Variants in UBA7 observed in about 807,000 individuals in gnomAD.
UBA7 encodes ubiquitin like modifier activating enzyme 7.
Under a neutral mutation model 113.0 loss-of-function variants are expected in UBA7, and 88 were observed. The observed-to-expected ratio is 0.78, with a 90% confidence interval of 0.66 to 0.93. The LOEUF (loss-of-function observed/expected upper bound fraction) is 0.93, where lower values mean the gene tolerates loss of function less well. Among genes scored for constraint, UBA7 ranks in the 40% least tolerant of loss-of-function variants. The probability of loss-of-function intolerance (pLI) is 0.00; values close to 1 mark genes in which losing one functional copy is unlikely to be tolerated. For missense variants in UBA7, 1,092 were observed against 1,266.4 expected (o/e 0.86, Z 2.09); for synonymous variants, 459 against 513.0 (o/e 0.89, Z 1.42).
Position 49,810,081 on chromosome 3 carries a change from G to C in UBA7, c.1736C>G (p.Thr579Ser). ...GSATVFMPHVTEAYRAPASAA... is the reference protein window; with the variant it reads ...GSATVFMPHVSEAYRAPASAA... ...TGAGGCAGGGGCTCTGTAGGCCTCA[G>C]TCACATGTGGCATGAATACTGTAGC... The change falls in exon 14 of 24, where the codon ACT becomes AGT. Residue 579 changes from threonine (T) to serine (S), a missense_variant. Transcript: ENST00000333486. This position sits in a 1 kb window ranked among gnomAD's most constrained non-coding sequence, Gnocchi z 5.6. 1 of 1,613,300 alleles carries C rather than the reference G, an allele frequency of 6.2e-7. No individual in the cohort carries two copies. Among genetic ancestry groups the C allele is most frequent in the Non-Finnish European group, 8.5e-7 (1 of 1,179,998 alleles).
intron 19 of UBA7, 45 bp downstream of exon 19, chr3:49,808,341 C>T: frequency 3.1e-6 from 5 of 1,612,338 alleles, no homozygotes; most frequent in South Asian, 1.1e-5. Context: ...GACCTTTCTC[C>T]ACAAACTCCC....
rs371659072 is a variant in UBA7 at position 49,809,956 on chromosome 3, G to T, written c.1839+22C>A. On this transcript the variant is annotated intron_variant, in intron 14 of 23. Transcript: ENST00000333486. ...CTGAGGGCTGAGCTGGGTGGGGTGG[G>T]AGTCTCCAGGGTGCTTCCTACCTGC... 23 of 1,614,072 alleles carry T rather than the reference G, an allele frequency of 1.4e-5. 1 individual carries two copies. In the East Asian group the frequency reaches 2.2e-4, roughly 16 times the overall value.
chr3:49,808,330 T>A, intron 19 of UBA7, 56 bp downstream of exon 19: 1 of 1,608,048 alleles, frequency 6.2e-7, no homozygotes. Context: ...TATTAGCTCC[T>A]GACCTTTCTC....
Position 49,810,958 on chromosome 3 carries a change from C to T in UBA7, c.1230+26G>A, listed in dbSNP as rs2081534845. On this transcript the variant is annotated intron_variant, in intron 10 of 23. Coordinates refer to ENST00000333486, the MANE Select transcript of UBA7 (RefSeq NM_003335.3). This position sits in a 1 kb window ranked among gnomAD's most constrained non-coding sequence, Gnocchi z 5.6. ...CCCCTAGTCCTGATTTTGGACAAGGCTTGCACCCCTATCCCAGGCTCTCAC... is the reference window on the plus strand; with the variant it reads ...CCCCTAGTCCTGATTTTGGACAAGGTTTGCACCCCTATCCCAGGCTCTCAC... 4 of 1,612,944 alleles carry T rather than the reference C, an allele frequency of 2.5e-6. No homozygotes were observed. Among genetic ancestry groups the T allele is most frequent in the Non-Finnish European group, 3.4e-6 (4 of 1,179,016 alleles).
In UBA7 at chr3:49,811,939, C is replaced by G; in HGVS notation, c.870G>C (p.Leu290=). ...SSQEVHHAHC[L]HQAFCALHKF... is the part of the protein sequence containing the mutation. ...TGTGCAGTGCACAGAAGGCCTGATG[C>G]AGGCAGTGGGCATGGTGAACTTCCT... Residue 290 remains leucine (L), a synonymous_variant, in exon 8 of 24, where the codon CTG becomes CTC. Transcript: ENST00000333486. 1 of 1,614,196 alleles carries G rather than the reference C, an allele frequency of 6.2e-7. No individual in the cohort carries two copies. The highest frequency in any genetic ancestry group is 8.5e-7 in the Non-Finnish European group (1 of 1,180,042).
In UBA7 at chr3:49,807,724, T is replaced by A; in HGVS notation, c.2715+12A>T. 3 of 1,596,792 alleles carry A rather than the reference T, an allele frequency of 1.9e-6. No homozygotes were observed. Among genetic ancestry groups the A allele is most frequent in the Non-Finnish European group, 2.6e-6 (3 of 1,170,958 alleles). On this transcript the variant is annotated intron_variant, in intron 21 of 23. Transcript: ENST00000333486. The surrounding 1 kb of genome is among the most constrained non-coding windows in gnomAD (Gnocchi z 4.0). ...GCCTAGTAGGGCTAAGGGTGGGGTA[T>A]CATGGGCTCACCGTCTGGATGGCTG...
In UBA7 at chr3:49,811,318, A is replaced by T. The variant is rs763983581; in HGVS notation, c.1077T>A (p.Pro359=). 8 of 1,614,158 alleles carry T rather than the reference A, an allele frequency of 5.0e-6. No homozygotes were observed. Among genetic ancestry groups the T allele is most frequent in the Non-Finnish European group, 5.9e-6 (7 of 1,180,020 alleles). The part of the protein sequence containing the change: ...VALSSAGVLS[P]MVAMLGAVAA... ...CTACTGCACCCAGCATGGCCACCAT[A>T]GGGCTCAAGACACCTGCACTGCTTA... is the stretch of plus-strand genomic sequence containing the variant. The change falls in exon 9 of 24, where the codon CCT becomes CCA. Residue 359 remains proline (P), a synonymous_variant. Coordinates refer to ENST00000333486, the MANE Select transcript of UBA7 (RefSeq NM_003335.3).
chr3:49,805,747 C>G (rs1056303622), intron 23 of UBA7, 150 bp downstream of exon 23: 1 of 878,572 alleles, frequency 1.1e-6, no homozygotes, highest in Non-Finnish European at 1.8e-6. Context: ...CACCCCACCT[C>G]CAGCCTGTTT....
chr3:49,809,407 C>T lies in UBA7; in HGVS notation c.2146G>A (p.Glu716Lys), dbSNP rs564988334. 4 of 1,614,142 alleles carry T rather than the reference C, an allele frequency of 2.5e-6. No homozygotes were observed. The South Asian group carries it at 4.4e-5, about 18-fold the overall frequency. Residue 716 changes from glutamate (E) to lysine (K), a missense_variant, in exon 17 of 24, where the codon GAG becomes AAG. Glu to Lys is a moderately conservative substitution (Grantham distance 56). This residue lies in a region of UBA7 where 500 missense variants were observed against 529.3 expected (regional missense o/e 0.94). Coordinates refer to ENST00000333486, the MANE Select transcript of UBA7 (RefSeq NM_003335.3). ...SGPKQCPQPL[E>K]FDTNQDTHLL... The stretch of plus-strand genomic sequence containing the variant: ...CCACTCACTTGGTTGGTGTCAAACT[C>T]CAAGGGCTGGGGACACTGTTTGGGA...
chr3:49,811,644 G>A lies in UBA7; in HGVS notation c.940-189C>T, dbSNP rs1014034849. 9.9e-6 allele frequency: 11 copies of A among 1,110,758 alleles called. No individual in the cohort carries two copies. In the African/African-American group the frequency reaches 1.7e-4, roughly 18 times the overall value. The allele number at this position is 1,110,758 out of a possible 1,614,324, so 68.8% of individuals were successfully genotyped here. On this transcript the variant is annotated intron_variant, in intron 8 of 23. Coordinates refer to ENST00000333486, the MANE Select transcript of UBA7 (RefSeq NM_003335.3). ...TGCCCAGTACCAGACAGCAGTCCAG[G>A]AGGCTTCACTAATCTGAGTGCAGCT...
Position 49,811,984 on chromosome 3 carries a change from A to G in UBA7, c.825T>C (p.His275=). The G allele has an allele frequency of 6.2e-7, 1 of 1,614,172 alleles. No homozygotes were observed. Residue 275 remains histidine (H), a synonymous_variant, in exon 8 of 24, where the codon CAT becomes CAC. Transcript: ENST00000333486. ...CTTCCTGGGAGCTCTGGGCCACCAC[A>G]TGGGGCTGGAGCAGGGCTGTGTCCA... ...KSLDTALLQP[H]VVAQSSQEVH... is the part of the protein sequence containing the mutation.
rs749533188 is a variant in UBA7, at chr3:49,809,151, G to A, written c.2172C>T (p.His724=). ...PLEFDTNQDT[H]LLYVLAAANL... is the part of the protein sequence containing the mutation. ...TGGCAGCTGCCAGTACGTAGAGGAG[G>A]TGTGTGTCCTGCAGCCAGACCAAGA... The change falls in exon 18 of 24, where the codon CAC becomes CAT. Residue 724 remains histidine, a synonymous_variant. Transcript: ENST00000333486. The A allele has an allele frequency of 3.1e-5, 50 of 1,610,802 alleles. No homozygotes were observed. Among genetic ancestry groups the A allele is most frequent in the Non-Finnish European group, 3.6e-5 (43 of 1,178,528 alleles).
intron 7 of UBA7, 46 bp from the exon 8 acceptor site, chr3:49,812,062 C>A: frequency 1.2e-6 from 2 of 1,614,152 alleles, no homozygotes; most frequent in South Asian, 1.1e-5. Context: ...TGCTATGGGC[C>A]CCTCAAGGCG....
Position 49,809,501 on chromosome 3 carries a change from G to A in UBA7, c.2089-37C>T, listed in dbSNP as rs188815934. On this transcript the variant is annotated intron_variant, in intron 16 of 23. Transcript: ENST00000333486. The stretch of plus-strand genomic sequence containing the variant: ...AGTAGAAGCTGCTGGGCTCAGTCTG[G>A]TCCCCCTGAGCCCCCAGCGTCCCAA... 4,202 of 1,613,766 alleles carry A rather than the reference G, an allele frequency of 2.6e-3. 19 individuals are homozygous for A. The highest frequency in any genetic ancestry group is 0.014 in the Middle Eastern group (84 of 6,062).
chr3:49,811,651 C>T, intron 8 of UBA7, 196 bp from the exon 9 acceptor site: 1 of 1,115,186 alleles, frequency 9.0e-7, no homozygotes, highest in Non-Finnish European at 1.3e-6. Context: ...CAGGAGGCTT[C>T]ACTAATCTGA....
At chr3:49,813,221 C>A in intron 3 of UBA7, 28 bp downstream of exon 3, 1 of 1,613,620 alleles carries the variant, frequency 6.2e-7, no homozygotes, top group Non-Finnish European at 8.5e-7. Flanking sequence ...GCCCTTCCTG[C>A]TCTTGAGGGC....
chr3:49,812,622 G>A, intron 5 of UBA7, 26 bp downstream of exon 5: 1 of 1,614,204 alleles, frequency 6.2e-7, no homozygotes, highest in Non-Finnish European at 8.5e-7. Context: ...TGGTCAGCAG[G>A]TGAATGCCTA....
rs201812658 is a variant in UBA7 at position 49,807,986 on chromosome 3, A to G, written c.2523+34T>C. The G allele has an allele frequency of 1.5e-4, 237 of 1,613,904 alleles. No individual in the cohort carries two copies. The highest frequency in any genetic ancestry group is 5.9e-6 in the Non-Finnish European group (7 of 1,179,924). ...GGCGTAGGGCCAGGGTTTGCCCTCCACCTCCAGGCCCAAGCCTCAAGGGGT... is the reference window on the plus strand; with the variant it reads ...GGCGTAGGGCCAGGGTTTGCCCTCCGCCTCCAGGCCCAAGCCTCAAGGGGT... On this transcript the variant is annotated intron_variant, in intron 20 of 23. Transcript: ENST00000333486. This position sits in a 1 kb window ranked among gnomAD's most constrained non-coding sequence, Gnocchi z 4.0.
chr3:49,806,909 CTG>C (rs1177442333), intron 21 of UBA7, among the ~76,000 whole-genome samples: 2 of 152,136 alleles, frequency 1.3e-5, no homozygotes, highest in Non-Finnish European at 2.9e-5. Context: ...CAAAGGGGCT[CTG>C]TGTGCTAGTC....
Sources: gnomAD v4.1 joint callset for allele counts (sites outside exome capture counted in the v4.1 genomes callset) on GRCh38, gnomAD v4.1.1 for gene constraint, gnomAD v4.1.1 regional missense constraint, Gnocchi (gnomAD v3.1) non-coding constraint, MANE v1.5 for transcripts, NCBI Gene and HGNC (gene_info 2026-07-23, HGNC 2026-07-21) for gene names.